Variants in RBFOX1 observed in about 807,000 individuals in gnomAD.
RBFOX1 encodes RNA binding fox-1 homolog 1, also known as RNA binding protein fox-1 homolog 1.
Under a neutral mutation model 57.7 loss-of-function variants are expected in RBFOX1, and 8 were observed. That is an observed-to-expected ratio of 0.14 (90% CI 0.08 to 0.25). RBFOX1 has a LOEUF of 0.25. Ranked by LOEUF, RBFOX1 falls within the 10% of genes least tolerant of loss-of-function variation. The pLI is 1.00. For missense variants in RBFOX1, 611 were observed against 548.5 expected, an observed-to-expected ratio of 1.11 and a Z score of -1.14; for synonymous variants, 326 against 222.4, an observed-to-expected ratio of 1.47 and a Z score of -4.15.
At chr16:6,538,465 C>T (rs936638276) in intron 2 of RBFOX1, among the ~76,000 whole-genome samples, 5 of 152,112 alleles carry the variant, frequency 3.3e-5, no homozygotes, top group African/African-American at 1.2e-4. Context: ...GCACTCTAGC[C>T]TGGGCAACAG....
chr16:5,594,548 A>C (rs1357056973), intron 2 of RBFOX1, among the ~76,000 whole-genome samples: 1 of 152,144 alleles, frequency 6.6e-6, no homozygotes, highest in Non-Finnish European at 1.5e-5. Flanking sequence ...AAGGCGGGAG[A>C]ACTTGAAGCA....
intron 2 of RBFOX1, among the ~76,000 whole-genome samples, chr16:6,615,889 T>C (rs2098134147): frequency 6.6e-6 from 1 of 152,182 alleles, no homozygotes; most frequent in Non-Finnish European, 1.5e-5. Context: ...AATCCTCATG[T>C]GATACGCATC....
chr16:6,699,754 C>G (rs560036259), intron 3 of RBFOX1, among the ~76,000 whole-genome samples: 1 of 152,142 alleles, frequency 6.6e-6, no homozygotes, highest in African/African-American at 2.4e-5. Flanking sequence ...AGTTTATGAT[C>G]AAGGTGGGAT....
chr16:6,638,758 A>G (rs2098464028), intron 2 of RBFOX1, among the ~76,000 whole-genome samples: 1 of 152,196 alleles, frequency 6.6e-6, no homozygotes, highest in Non-Finnish European at 1.5e-5. Context: ...TCTCTTCGCT[A>G]TTGTAACTCC....
At chr16:5,536,469 C>T (rs2044701879) in intron 2 of RBFOX1, among the ~76,000 whole-genome samples, 1 of 152,062 alleles carries the variant, frequency 6.6e-6, no homozygotes, top group East Asian at 1.9e-4. Flanking sequence ...CTCCTGACCT[C>T]AGGTGATCTG....
rs538716943 is a variant in RBFOX1, at chr16:6,305,596, A to G, written c.-126-11399A>G. 1.3e-4 allele frequency among the ~76,000 whole-genome samples: 20 copies of G among 150,694 alleles called. No homozygotes were observed. In the South Asian group the frequency reaches 2.1e-3, roughly 16 times the overall value. ...CCCTCTTCAGCTTGGGAGGACTTCA[A>G]TATGACTCAAGTAGGTACAGCTTTT... is the stretch of plus-strand genomic sequence containing the variant. On this transcript the variant is annotated intron_variant, in intron 1 of 15. Coordinates refer to ENST00000550418, the MANE Select transcript of RBFOX1 (RefSeq NM_018723.4).
At chr16:7,112,090 A>G (rs1405029867) in intron 4 of RBFOX1, among the ~76,000 whole-genome samples, 1 of 152,204 alleles carries the variant, frequency 6.6e-6, no homozygotes. Flanking sequence ...ATTAGAAACA[A>G]AAATATCCTG....
intron 2 of RBFOX1, among the ~76,000 whole-genome samples, chr16:5,558,878 G>C (rs1237991262): frequency 6.6e-6 from 1 of 152,122 alleles, no homozygotes; most frequent in African/African-American, 2.4e-5. Flanking sequence ...AGAGACACCT[G>C]GAGAACTTGT....
At chr16:6,332,552 A>T (rs1182764769) in intron 2 of RBFOX1, among the ~76,000 whole-genome samples, 1 of 152,182 alleles carries the variant, frequency 6.6e-6, no homozygotes, top group Non-Finnish European at 1.5e-5. Flanking sequence ...TCAGCACATT[A>T]CTTCTTTCCT....
intron 1 of RBFOX1, among the ~76,000 whole-genome samples, chr16:6,315,555 GGATGGATGGATGGATGGATGGATAGAT>G (rs2080998669): frequency 1.4e-5 from 1 of 72,726 alleles, no homozygotes; most frequent in Non-Finnish European, 3.7e-5. Flanking sequence ...ATGGATGGAT[GGATGGATGGATGGATGGATGGATAGAT>G]GGATGGATGG....
At chr16:5,653,508 G>T (rs1398909788) in intron 3 of RBFOX1, among the ~76,000 whole-genome samples, 2 of 150,668 alleles carry the variant, frequency 1.3e-5, no homozygotes, top group African/African-American at 2.4e-5. Flanking sequence ...GAGGAAGTTG[G>T]GGTGCGGAGC....
chr16:7,597,926 G>C (rs908602961), intron 9 of RBFOX1, among the ~76,000 whole-genome samples: 1 of 152,062 alleles, frequency 6.6e-6, no homozygotes, highest in Non-Finnish European at 1.5e-5. Flanking sequence ...TGTGTGAGTG[G>C]GTTATTTGTT....
chr16:6,240,295 A>T (rs2152924847), intron 1 of RBFOX1, among the ~76,000 whole-genome samples: 1 of 152,288 alleles, frequency 6.6e-6, no homozygotes, highest in Non-Finnish European at 1.5e-5. Context: ...GAGTGGCCTA[A>T]CACGGTGTCC....
intron 3 of RBFOX1, among the ~76,000 whole-genome samples, chr16:6,833,900 C>T (rs184803381): frequency 6.6e-6 from 1 of 151,966 alleles, no homozygotes; most frequent in Admixed American, 6.5e-5. Context: ...AGGAACCTGG[C>T]AAGGTTGATC....
At chr16:6,959,733 T>G (rs1239968309) in intron 3 of RBFOX1, among the ~76,000 whole-genome samples, 1 of 152,084 alleles carries the variant, frequency 6.6e-6, no homozygotes, top group Non-Finnish European at 1.5e-5. Context: ...GGTCAGGAGT[T>G]CGAGACCAGC....
At chr16:6,648,827 C>G (rs2098554095) in intron 2 of RBFOX1, among the ~76,000 whole-genome samples, 1 of 152,150 alleles carries the variant, frequency 6.6e-6, no homozygotes, top group African/African-American at 2.4e-5. Context: ...TTTTTCTTTG[C>G]TTATTTATGT....
chr16:7,217,013 C>CTCCT (rs2092174347), intron 4 of RBFOX1, among the ~76,000 whole-genome samples: 1 of 37,996 alleles, frequency 2.6e-5, no homozygotes, highest in Non-Finnish European at 5.0e-5. Context: ...CCTCCCTTCC[C>CTCCT]TCCCTCCCTC....
In RBFOX1 at chr16:7,071,668, T is replaced by C. The variant is rs144945996; in HGVS notation, c.27+19570T>C. Among the ~76,000 whole-genome samples the C allele has an allele frequency of 3.3e-5, 5 of 151,830 alleles. No homozygotes were observed. The East Asian group carries it at 9.7e-4, about 29-fold the overall frequency. The stretch of plus-strand genomic sequence containing the variant: ...ATTTATACATACATACATACATACA[T>C]ATATATATATTTTCCCAGTATTGAA... On this transcript the variant is annotated intron_variant, in intron 4 of 15. Coordinates refer to ENST00000550418, the MANE Select transcript of RBFOX1 (RefSeq NM_018723.4).
chr16:5,984,946 TTATA>T (rs61004841), intron 4 of RBFOX1, among the ~76,000 whole-genome samples: 1,808 of 69,404 alleles, frequency 0.026, 44 homozygotes, highest in Non-Finnish European at 0.032. Context: ...GGCAACTCCA[TTATA>T]TATATATATA....
Sources: allele counts gnomAD v4.1 joint callset (sites outside exome capture counted in the v4.1 genomes callset), GRCh38; gene constraint gnomAD v4.1.1; transcripts MANE v1.5; gene names NCBI Gene and HGNC (gene_info 2026-07-23, HGNC 2026-07-21).